LIPC: variants seen among roughly 807,000 people sequenced by gnomAD.
LIPC encodes the protein lipase C, hepatic type.
A neutral mutation model predicts 50.7 loss-of-function variants in LIPC; 44 were observed. The observed-to-expected ratio is 0.87, with a 90% confidence interval of 0.68 to 1.11. The LOEUF is 1.11. Among genes scored for constraint, LIPC ranks in the 50% most tolerant of loss-of-function variants. The probability of loss-of-function intolerance (pLI) is 0.00; values close to 1 mark genes in which losing one functional copy is unlikely to be tolerated. For missense variants in LIPC, 697 were observed against 648.2 expected (o/e 1.08, Z -0.82); for synonymous variants, 271 against 256.4 (o/e 1.06, Z -0.54).
chr15:58,453,817 G>A (rs1208657697), intron 1 of LIPC, among the ~76,000 whole-genome samples: 1 of 151,276 alleles, frequency 6.6e-6, no homozygotes, highest in Non-Finnish European at 1.5e-5. Flanking sequence ...TTGAGCCACA[G>A]AGAGCGAGGC....
chr15:58,469,648 C>T (rs1222905760), intron 1 of LIPC, among the ~76,000 whole-genome samples: 1 of 152,208 alleles, frequency 6.6e-6, no homozygotes, highest in African/African-American at 2.4e-5. Flanking sequence ...ACCTTCAGGC[C>T]TGCCCTCGGG....
chr15:58,448,421 T>G (rs1893778287), intron 1 of LIPC, among the ~76,000 whole-genome samples: 1 of 152,198 alleles, frequency 6.6e-6, no homozygotes. Flanking sequence ...CTTCCTAACT[T>G]CACACGCATT....
At chr15:58,523,675 T>C (rs562630567) in intron 1 of LIPC, among the ~76,000 whole-genome samples, 1 of 152,052 alleles carries the variant, frequency 6.6e-6, no homozygotes, top group Non-Finnish European at 1.5e-5. Flanking sequence ...TCCCAACACT[T>C]TGGGAGCCCG....
intron 8 of LIPC, chr15:58,565,984 A>C: frequency 1.0e-6 from 1 of 985,324 alleles, no homozygotes; most frequent in Non-Finnish European, 1.2e-6. Context: ...CAGGAAAATA[A>C]GATGAATTAA....
chr15:58,473,748 C>T (rs1458005109), intron 1 of LIPC: 1 of 152,266 alleles, frequency 6.6e-6, no homozygotes, highest in East Asian at 1.9e-4. Context: ...GTGACTTGTC[C>T]AAGGTTACAC....
At chr15:58,511,037 A>C (rs1210190905) in intron 1 of LIPC, among the ~76,000 whole-genome samples, 1 of 152,236 alleles carries the variant, frequency 6.6e-6, no homozygotes, top group Non-Finnish European at 1.5e-5. Context: ...GGATGAAGAG[A>C]CTGGATCTCA....
chr15:58,471,136 T>A (rs867839229), intron 1 of LIPC, among the ~76,000 whole-genome samples: 4 of 132,666 alleles, frequency 3.0e-5, no homozygotes, highest in Non-Finnish European at 6.5e-5. Context: ...TCTTTTCTCT[T>A]TTTTTTTTTT....
chr15:58,525,996 C>T (rs1220136327), intron 1 of LIPC, among the ~76,000 whole-genome samples: 2 of 152,216 alleles, frequency 1.3e-5, no homozygotes, highest in African/African-American at 4.8e-5. Context: ...AGGAAACCAT[C>T]TGTAAACGTG....
intron 1 of LIPC, among the ~76,000 whole-genome samples, chr15:58,504,259 G>A (rs1892076000): frequency 6.6e-6 from 1 of 152,194 alleles, no homozygotes; most frequent in Non-Finnish European, 1.5e-5. Flanking sequence ...ACCTCTCAGA[G>A]CAGAGGAAAA....
rs139092954 is a variant in LIPC, at chr15:58,566,138, C to A, written c.1388+2415C>A. 5.6e-4 allele frequency: 549 copies of A among 976,188 alleles called. 1 individual carries two copies. In the African/African-American group the frequency reaches 8.6e-3, roughly 15 times the overall value. The allele number at this position is 976,188 out of a possible 1,614,324, so 60.5% of individuals were successfully genotyped here. A position where few individuals can be genotyped will look rare whatever the true frequency, so the allele number is the denominator to read the frequency against. ...TCTGCATTTCTAACAAGCGACCAGG[C>A]AATGCTGTTGCTGCAGGTCAACAGA... On this transcript the variant is annotated intron_variant, in intron 8 of 8. Transcript: ENST00000299022.
Position 58,538,521 on chromosome 15 carries a change from G to A in LIPC, c.273+4G>A. 6.2e-7 allele frequency: 1 copy of A among 1,613,900 alleles called. No individual in the cohort carries two copies. Among genetic ancestry groups the A allele is most frequent in the South Asian group, 1.1e-5 (1 of 91,072 alleles). ...GATGATAATCCACGGGTGGTCGGTA[G>A]GAAATGCTGACATGCCGTTTTTCTC... On this transcript the variant is annotated splice_donor_region_variant and intron_variant, in intron 2 of 8. Transcript: ENST00000299022.
chr15:58,512,588 C>G (rs1008353155), intron 1 of LIPC, among the ~76,000 whole-genome samples: 4 of 152,202 alleles, frequency 2.6e-5, no homozygotes, highest in Non-Finnish European at 5.9e-5. Flanking sequence ...ACGGGAATCA[C>G]AGCCCACAGG....
chr15:58,459,840 C>A (rs1368139980), intron 1 of LIPC, among the ~76,000 whole-genome samples: 1 of 152,258 alleles, frequency 6.6e-6, no homozygotes, highest in Non-Finnish European at 1.5e-5. Context: ...GCCCTGGGCA[C>A]TCCTCTCAGC....
chr15:58,432,080 C>T lies in LIPC; in HGVS notation c.48C>T (p.Ile16=). 3 of 1,614,078 alleles carry T rather than the reference C, an allele frequency of 1.9e-6. No individual in the cohort carries two copies. Among genetic ancestry groups the T allele is most frequent in the Non-Finnish European group, 2.5e-6 (3 of 1,179,944 alleles). The part of the protein sequence containing the change: ...LCFSILLVLC[I]FIQSSALGQS... ...TCTCCATTCTGTTGGTTTTATGCAT[C>T]TTTATCCAATCAAGTGCCCTTGGAC... The change falls in exon 1 of 9, where the codon ATC becomes ATT. Residue 16 remains isoleucine, a synonymous_variant. Transcript: ENST00000299022.
intron 6 of LIPC, among the ~76,000 whole-genome samples, chr15:58,550,608 CA>C (rs1319547963): frequency 2.6e-5 from 4 of 152,152 alleles, no homozygotes; most frequent in Non-Finnish European, 5.9e-5. Context: ...GTCCTACCCT[CA>C]GGGGGCTCGG....
At chr15:58,518,710 C>A (rs1474567665) in intron 1 of LIPC, among the ~76,000 whole-genome samples, 8 of 152,114 alleles carry the variant, frequency 5.3e-5, no homozygotes, top group African/African-American at 1.9e-4. Context: ...AAGAGCCAGG[C>A]CCAAAAGAGC....
intron 1 of LIPC, among the ~76,000 whole-genome samples, chr15:58,490,210 G>T (rs757699416): frequency 6.6e-6 from 1 of 152,136 alleles, no homozygotes; most frequent in South Asian, 2.1e-4. Flanking sequence ...GCGTGGGGTC[G>T]GGAAGATGGC....
intron 1 of LIPC, among the ~76,000 whole-genome samples, chr15:58,449,978 G>A (rs1231929985): frequency 2.0e-5 from 3 of 152,170 alleles, no homozygotes; most frequent in Non-Finnish European, 2.9e-5. Context: ...CTGGAACAAA[G>A]ACCAGAGGGA....
chr15:58,440,177 C>A (rs1475939190), intron 1 of LIPC, among the ~76,000 whole-genome samples: 1 of 152,224 alleles, frequency 6.6e-6, no homozygotes, highest in African/African-American at 2.4e-5. Flanking sequence ...CCAAGCTGAG[C>A]ATTACTTGTA....
Sources: gnomAD v4.1 joint callset for allele counts (sites outside exome capture counted in the v4.1 genomes callset) on GRCh38, gnomAD v4.1.1 for gene constraint, MANE v1.5 for transcripts, NCBI Gene and HGNC (gene_info 2026-07-23, HGNC 2026-07-21) for gene names.